RFX3: variants seen among roughly 807,000 people sequenced by gnomAD.
RFX3 encodes the protein regulatory factor X3.
Under a neutral mutation model 98.6 loss-of-function variants are expected in RFX3, and 14 were observed. That is an observed-to-expected ratio of 0.14 (90% CI 0.09 to 0.22). The LOEUF (loss-of-function observed/expected upper bound fraction) is 0.22. RFX3 is among the 10% of genes least tolerant of loss of function. The pLI, the probability that RFX3 is intolerant of heterozygous loss-of-function variation, is 1.00. For synonymous variants in RFX3, 383 were observed against 328.4 expected, an observed-to-expected ratio of 1.17 and a Z score of -1.80; for missense variants, 639 against 926.9, an observed-to-expected ratio of 0.69 and a Z score of 4.03.
intron 1 of RFX3, among the ~76,000 whole-genome samples, chr9:3,429,909 T>G (rs755762028): frequency 6.6e-6 from 1 of 152,204 alleles, no homozygotes; most frequent in Non-Finnish European, 1.5e-5. Context: ...AGCAGTGGCT[T>G]CCAACCCACG....
At chr9:3,335,559 G>C (rs1833074934) in intron 3 of RFX3, among the ~76,000 whole-genome samples, 1 of 152,114 alleles carries the variant, frequency 6.6e-6, no homozygotes, top group South Asian at 2.1e-4. Context: ...GTACATTCCT[G>C]AAATAGATAA....
chr9:3,238,838 A>G (rs1455337354), intron 15 of RFX3, among the ~76,000 whole-genome samples: 1 of 151,868 alleles, frequency 6.6e-6, no homozygotes, highest in Non-Finnish European at 1.5e-5. Flanking sequence ...AAATACAAAT[A>G]CAAAATTAGC....
intron 1 of RFX3, among the ~76,000 whole-genome samples, chr9:3,454,932 C>T (rs1204453864): frequency 6.6e-6 from 1 of 152,112 alleles, no homozygotes; most frequent in Admixed American, 6.5e-5. Flanking sequence ...CCCAAGTCTC[C>T]CGCCCCTAAA....
intron 15 of RFX3, among the ~76,000 whole-genome samples, chr9:3,235,613 A>G (rs946060573): frequency 1.3e-5 from 2 of 151,834 alleles, no homozygotes; most frequent in African/African-American, 2.4e-5. Flanking sequence ...CTAGAAAAGA[A>G]TTTTTTTTAC....
chr9:3,382,158 A>T (rs1384287338), intron 2 of RFX3, among the ~76,000 whole-genome samples: 1 of 152,272 alleles, frequency 6.6e-6, no homozygotes, highest in South Asian at 2.1e-4. Context: ...AAGCCTCCCA[A>T]GTAGTTGGGA....
intron 1 of RFX3, among the ~76,000 whole-genome samples, chr9:3,504,427 G>T (rs1816493924): frequency 8.0e-6 from 1 of 125,630 alleles, no homozygotes; most frequent in African/African-American, 3.2e-5. Flanking sequence ...ATACCACATA[G>T]TATATATTGT....
At chr9:3,333,288 T>C (rs967409529) in intron 3 of RFX3, among the ~76,000 whole-genome samples, 2 of 152,160 alleles carry the variant, frequency 1.3e-5, no homozygotes, top group Non-Finnish European at 2.9e-5. Context: ...ATTATACTTG[T>C]AATTTACAAT....
chr9:3,424,157 G>T (rs1461943009), intron 1 of RFX3, among the ~76,000 whole-genome samples: 1 of 149,924 alleles, frequency 6.7e-6, no homozygotes, highest in African/African-American at 2.5e-5. Flanking sequence ...AAAAAAAAAA[G>T]AAGAAGAACT....
At chr9:3,289,047 T>C (rs1035270801) in intron 6 of RFX3, among the ~76,000 whole-genome samples, 1 of 152,118 alleles carries the variant, frequency 6.6e-6, no homozygotes, top group Non-Finnish European at 1.5e-5. Context: ...TTGCTCTGAA[T>C]GGAATTTGCA....
rs1434680593 is a variant in RFX3 at position 3,271,112 on chromosome 9, A to G, written c.1093T>C (p.Leu365=). 1 of 1,613,408 alleles carries G rather than the reference A, an allele frequency of 6.2e-7. No homozygotes were observed. Among genetic ancestry groups the G allele is most frequent in the African/African-American group, 1.3e-5 (1 of 74,884 alleles). ...AATTGAAGATTCACAACAACGTCCA[A>G]TATTGCCTAAAAAACAAAATGGTAC... ...SLYREHCEAI[L]DVVVNLQFSL... Residue 365 remains leucine (L), a synonymous_variant, in exon 10 of 17, where the codon TTG becomes CTG. Transcript: ENST00000617270.
At chr9:3,321,131 T>A (rs1293484984) in intron 4 of RFX3, among the ~76,000 whole-genome samples, 1 of 152,030 alleles carries the variant, frequency 6.6e-6, no homozygotes, top group African/African-American at 2.4e-5. Flanking sequence ...CTCGAACTCC[T>A]GACCTCAGGT....
chr9:3,404,165 TG>T (rs1305891176), intron 1 of RFX3, among the ~76,000 whole-genome samples: 9 of 152,190 alleles, frequency 5.9e-5, no homozygotes, highest in African/African-American at 2.2e-4. Flanking sequence ...TTCTGGCAAA[TG>T]TAGTGAACAT....
At chr9:3,267,608 A>C (rs1823813073) in intron 11 of RFX3, among the ~76,000 whole-genome samples, 1 of 151,910 alleles carries the variant, frequency 6.6e-6, no homozygotes, top group Non-Finnish European at 1.5e-5. Flanking sequence ...GTTAGGAAAA[A>C]CACTCAAGCA....
At chr9:3,470,244 T>C (rs891411591) in intron 1 of RFX3, among the ~76,000 whole-genome samples, 1 of 152,092 alleles carries the variant, frequency 6.6e-6, no homozygotes, top group African/African-American at 2.4e-5. Flanking sequence ...TGTCACAAAC[T>C]AGTAACTGAC....
At chr9:3,314,203 G>A (rs1301975098) in intron 4 of RFX3, among the ~76,000 whole-genome samples, 1 of 152,190 alleles carries the variant, frequency 6.6e-6, no homozygotes, top group African/African-American at 2.4e-5. Flanking sequence ...CCAGAAGACA[G>A]TGGGGGCCAA....
chr9:3,494,614 AAC>A (rs1267048334), intron 1 of RFX3, among the ~76,000 whole-genome samples: 10 of 152,198 alleles, frequency 6.6e-5, no homozygotes, highest in African/African-American at 2.4e-4. Context: ...TAGAAAATAA[AAC>A]AGAGAAATAT....
At chr9:3,275,430 G>C in intron 9 of RFX3, 70 bp downstream of exon 9, 1 of 855,088 alleles carries the variant, frequency 1.2e-6, no homozygotes, top group Non-Finnish European at 2.0e-6. Context: ...GAATAAGCTT[G>C]ATTATTTTAT....
At chr9:3,269,611 G>A (rs1321974677) in intron 11 of RFX3, among the ~76,000 whole-genome samples, 1 of 152,092 alleles carries the variant, frequency 6.6e-6, no homozygotes, top group Non-Finnish European at 1.5e-5. Context: ...CGATACTTGA[G>A]AAAATAGCTT....
intron 1 of RFX3, among the ~76,000 whole-genome samples, chr9:3,481,480 A>AT (rs933083309): frequency 4.0e-5 from 6 of 151,536 alleles, no homozygotes; most frequent in African/African-American, 1.2e-4. Context: ...TGAAAAGTAC[A>AT]TTTTTTAAAA....
Sources: gnomAD v4.1 joint callset for allele counts (sites outside exome capture counted in the v4.1 genomes callset) on GRCh38, gnomAD v4.1.1 for gene constraint, MANE v1.5 for transcripts, NCBI Gene and HGNC (gene_info 2026-07-23, HGNC 2026-07-21) for gene names.